The following TCF12 variants were observed in gnomAD, a reference collection of about 807,000 sequenced individuals.
TCF12 encodes DNA-binding protein HTF4.
Under a neutral mutation model 86.0 loss-of-function variants are expected in TCF12, and 45 were observed. That is an observed-to-expected ratio of 0.52 (90% confidence interval 0.41 to 0.67). The LOEUF is 0.67. Among genes scored for constraint, TCF12 ranks in the 30% least tolerant of loss-of-function variants. The pLI, the probability that TCF12 is intolerant of heterozygous loss-of-function variation, is 0.00. For missense variants in TCF12, 881 were observed against 859.9 expected (o/e 1.02, Z -0.31); for synonymous variants, 330 against 299.6 (o/e 1.10, Z -1.05).
intron 5 of TCF12, among the ~76,000 whole-genome samples, chr15:57,097,031 G>A (rs2049373159): frequency 6.6e-6 from 1 of 152,048 alleles, no homozygotes; most frequent in South Asian, 2.1e-4. Flanking sequence ...GATTGCATAG[G>A]TTTCAGTGGA....
In TCF12 at chr15:57,074,202, T is replaced by C. The variant is rs1013472962; in HGVS notation, c.222+10379T>C. On this transcript the variant is annotated intron_variant, in intron 4 of 20. Coordinates refer to ENST00000333725, the MANE Select transcript of TCF12 (RefSeq NM_207037.2). ...ATTTGACCTTGGACAAGAGAGTTAA[T>C]TCCCGAGCCTCAGATTTCTCATCTC... 4.5e-4 allele frequency among the ~76,000 whole-genome samples: 68 copies of C among 152,280 alleles called. 2 individuals carry two copies. Among genetic ancestry groups the C allele is most frequent in the Admixed American group, 3.4e-3 (52 of 15,302 alleles).
chr15:57,165,922 C>T (rs185085986), intron 5 of TCF12, among the ~76,000 whole-genome samples: 42 of 152,256 alleles, frequency 2.8e-4, no homozygotes, highest in Non-Finnish European at 5.0e-4. Flanking sequence ...CTAGTGGGTA[C>T]ATGTATCATA....
intron 8 of TCF12, among the ~76,000 whole-genome samples, chr15:57,213,888 A>C (rs1235151302): frequency 6.6e-6 from 1 of 152,068 alleles, no homozygotes; most frequent in Non-Finnish European, 1.5e-5. Context: ...CAGTCTTGAA[A>C]GCTCTTCAGA....
intron 3 of TCF12, among the ~76,000 whole-genome samples, chr15:56,960,430 AT>A (rs5812861): frequency 0.56 from 71,789 of 128,266 alleles, 19,495 homozygotes; most frequent in Non-Finnish European, 0.66. Context: ...ACTGTATTGT[AT>A]TTTTTTTTTT....
intron 18 of TCF12, among the ~76,000 whole-genome samples, chr15:57,269,896 C>G (rs760160656): frequency 6.6e-6 from 1 of 152,208 alleles, no homozygotes; most frequent in Non-Finnish European, 1.5e-5. Context: ...CGACTCTCTT[C>G]TGGCTTGTAG....
At chr15:57,144,429 C>T (rs1341319948) in intron 5 of TCF12, among the ~76,000 whole-genome samples, 2 of 152,208 alleles carry the variant, frequency 1.3e-5, no homozygotes. Context: ...TGACATCTTA[C>T]TGTTTAATGT....
At chr15:57,253,221 T>C (rs2060198795) in intron 15 of TCF12, 41 bp from the exon 16 acceptor site, 6 of 1,606,410 alleles carry the variant, frequency 3.7e-6, no homozygotes, top group Non-Finnish European at 5.1e-6. Flanking sequence ...ATCTAACAGA[T>C]GCCAGCAATA....
At chr15:57,135,180 G>A (rs2052429621) in intron 5 of TCF12, among the ~76,000 whole-genome samples, 1 of 152,150 alleles carries the variant, frequency 6.6e-6, no homozygotes, top group Non-Finnish European at 1.5e-5. Flanking sequence ...TCTGGTTGGG[G>A]ATCACAGGTT....
chr15:57,008,921 A>C (rs571195981), intron 3 of TCF12, among the ~76,000 whole-genome samples: 24 of 152,312 alleles, frequency 1.6e-4, no homozygotes, highest in Non-Finnish European at 2.9e-4. Flanking sequence ...TTTGTGGAAA[A>C]TTTACCTTTG....
intron 3 of TCF12, among the ~76,000 whole-genome samples, chr15:56,936,460 C>T (rs2060474437): frequency 6.6e-6 from 1 of 152,128 alleles, no homozygotes; most frequent in African/African-American, 2.4e-5. Flanking sequence ...TGTTCTTTTG[C>T]TGTGCAGAAG....
At chr15:57,217,868 G>C (rs1381153730) in intron 8 of TCF12, among the ~76,000 whole-genome samples, 1 of 152,068 alleles carries the variant, frequency 6.6e-6, no homozygotes, top group African/African-American at 2.4e-5. Context: ...AGTTCTCCAA[G>C]GATTGAAATG....
At chr15:56,928,014 A>C (rs1257098415) in intron 3 of TCF12, among the ~76,000 whole-genome samples, 1 of 152,128 alleles carries the variant, frequency 6.6e-6, no homozygotes, top group Non-Finnish European at 1.5e-5. Flanking sequence ...GTCTAATTGG[A>C]GTCTTGTCAG....
intron 8 of TCF12, among the ~76,000 whole-genome samples, chr15:57,210,960 G>A (rs2058079014): frequency 1.3e-5 from 2 of 152,176 alleles, no homozygotes; most frequent in African/African-American, 4.8e-5. Flanking sequence ...AGGAGCCTCA[G>A]CCCACTTACT....
chr15:57,228,972 A>G (rs1208651603), intron 8 of TCF12, among the ~76,000 whole-genome samples: 2 of 152,162 alleles, frequency 1.3e-5, no homozygotes, highest in African/African-American at 2.4e-5. Context: ...TCATACTTAC[A>G]TATCAAGGAT....
intron 18 of TCF12, among the ~76,000 whole-genome samples, chr15:57,266,086 A>ATTAT (rs60211131): frequency 0.018 from 1,977 of 110,220 alleles, 20 homozygotes; most frequent in East Asian, 0.046. Context: ...TTTTGTTTTT[A>ATTAT]TTATTTATTT....
At chr15:57,013,458 G>C (rs1229020003) in intron 3 of TCF12, among the ~76,000 whole-genome samples, 2 of 152,056 alleles carry the variant, frequency 1.3e-5, no homozygotes, top group African/African-American at 4.8e-5. Context: ...TTATAAGTGT[G>C]CGCCACCATG....
chr15:56,955,499 T>C (rs541753853), intron 3 of TCF12, among the ~76,000 whole-genome samples: 5 of 152,258 alleles, frequency 3.3e-5, no homozygotes, highest in Non-Finnish European at 7.4e-5. Context: ...CATGTATACC[T>C]ATGTATCAAA....
rs1203802404 is a variant in TCF12, at chr15:57,232,270, A to G, written c.686-21A>G. The G allele has an allele frequency of 6.2e-6, 10 of 1,612,542 alleles. No homozygotes were observed. In the East Asian group the frequency reaches 8.9e-5, roughly 14 times the overall value. ...AAAATTTTTAGCTAAGGAAAATTTTATATTTCTCTTTTTGTCTTAGATGGG... is the reference window on the plus strand; with the variant it reads ...AAAATTTTTAGCTAAGGAAAATTTTGTATTTCTCTTTTTGTCTTAGATGGG... On this transcript the variant is annotated intron_variant, in intron 9 of 20. Transcript: ENST00000333725.
chr15:57,043,194 G>A (rs1474770098), intron 3 of TCF12, among the ~76,000 whole-genome samples: 1 of 151,638 alleles, frequency 6.6e-6, no homozygotes, highest in Non-Finnish European at 1.5e-5. Context: ...TTAATCCATC[G>A]GTAGACATTT....
Sources: allele counts gnomAD v4.1 joint callset (sites outside exome capture counted in the v4.1 genomes callset), GRCh38; gene constraint gnomAD v4.1.1; transcripts MANE v1.5; gene names NCBI Gene and HGNC (gene_info 2026-07-23, HGNC 2026-07-21).